Variants in SSX5 observed in about 807,000 individuals in gnomAD.
SSX5 encodes the protein SSX family member 5, also known as protein SSX5.
A neutral mutation model predicts 14.9 loss-of-function variants in SSX5; 14 were observed. That is an observed-to-expected ratio of 0.94 (90% CI 0.62 to 1.47). SSX5 has a LOEUF of 1.47. SSX5 is among the 40% of genes most tolerant of loss of function. The pLI is 0.00. For synonymous variants in SSX5, 70 were observed against 55.4 expected (o/e 1.26, Z -1.17); for missense variants, 204 against 154.6 (o/e 1.32, Z -1.70).
intron 2 of SSX5, 149 bp downstream of exon 2, chrX:48,195,141 C>T (rs1556925575): frequency 1.7e-6 from 2 of 1,211,453 alleles, no homozygotes; most frequent in Non-Finnish European, 2.2e-6. Context: ...TAGGTGATGA[C>T]AGAGCGAGAG....
chrX:48,192,030 T>C (rs1263962979), intron 5 of SSX5, among the ~76,000 whole-genome samples: 2 of 112,195 alleles, frequency 1.8e-5, no homozygotes, highest in South Asian at 3.7e-4. Context: ...AAAATAGTAT[T>C]TGGCATCACT....
intron 6 of SSX5, among the ~76,000 whole-genome samples, chrX:48,189,669 A>G (rs1416825650): frequency 1.8e-5 from 2 of 112,437 alleles, no homozygotes; most frequent in Non-Finnish European, 3.8e-5. Flanking sequence ...ACCAAGAAAA[A>G]AATGTGTGTG....
chrX:48,191,465 G>C (rs1400632638), intron 5 of SSX5, among the ~76,000 whole-genome samples: 2 of 111,448 alleles, frequency 1.8e-5, no homozygotes, highest in Admixed American at 9.6e-5. Context: ...CCCTGGGCTG[G>C]GACTGGGACT....
At chrX:48,192,962 G>A (rs781961471) in intron 4 of SSX5, among the ~76,000 whole-genome samples, 14 of 112,053 alleles carry the variant, frequency 1.2e-4, no homozygotes, top group Non-Finnish European at 2.1e-4. Flanking sequence ...GATCTCTACC[G>A]AAGAACCTGT....
intron 3 of SSX5, among the ~76,000 whole-genome samples, chrX:48,194,469 G>A (rs1418033515): frequency 2.7e-5 from 3 of 109,886 alleles, no homozygotes; most frequent in Non-Finnish European, 5.7e-5. Context: ...CGATGGGGGG[G>A]TGCCAGATGC....
chrX:48,186,829 A>T lies in SSX5; in HGVS notation c.*32T>A, dbSNP rs1283473989. On this transcript the variant is annotated 3_prime_UTR_variant, in exon 8 of 8. Transcript: ENST00000347757. The stretch of plus-strand genomic sequence containing the variant: ...GAAAGGTCACCACGTTCTGCTTCTC[A>T]TCATGGGCATGTGTCATATCCCCGA... The T allele has an allele frequency of 3.3e-6, 4 of 1,198,074 alleles. No individual in the cohort carries two copies. In the East Asian group the frequency reaches 8.9e-5, roughly 27 times the overall value.
chrX:48,187,848 GC>G, intron 6 of SSX5, 117 bp from the exon 7 acceptor site: 1 of 929,174 alleles, frequency 1.1e-6, no homozygotes, highest in Non-Finnish European at 1.5e-6. Context: ...ACCACCAAGT[GC>G]CCATGGGTCT....
At chrX:48,187,816 C>T in intron 6 of SSX5, 85 bp from the exon 7 acceptor site, 1 of 1,090,733 alleles carries the variant, frequency 9.2e-7, no homozygotes, top group South Asian at 2.0e-5. Context: ...TCTGTTTTCT[C>T]CAAAAAAGGA....
chrX:48,189,635 CAT>C (rs2059412270), intron 6 of SSX5, among the ~76,000 whole-genome samples: 1 of 112,385 alleles, frequency 8.9e-6, no homozygotes, highest in Non-Finnish European at 1.9e-5. Flanking sequence ...ATATTGTAAA[CAT>C]AATGTTTTTA....
intron 4 of SSX5, 154 bp from the exon 5 acceptor site, chrX:48,192,435 A>G (rs2059423943): frequency 1.0e-5 from 9 of 876,283 alleles, no homozygotes; most frequent in Admixed American, 2.5e-5. Flanking sequence ...ATGTTTAGTC[A>G]TGGTTGGTGC....
Position 48,190,192 on chromosome X carries a change from C to T in SSX5, c.407G>A (p.Gly136Glu). The change falls in exon 6 of 8, where the codon GGG becomes GAG. Residue 136 changes from glycine (G) to glutamate (E), a missense_variant. By Grantham distance (98) the Gly-to-Glu change is moderately conservative (BLOSUM62 -2). Coordinates refer to ENST00000347757, the MANE Select transcript of SSX5 (RefSeq NM_175723.2). ...TTTTCCTGAGGGGCGCAGCTGTTTC[C>T]CATTGTTCTGTGGGCCAGATGCTTC... ...VPEASGPQNN[G>E]KQLRPSGKLN... 1 of 1,210,208 alleles carries T rather than the reference C, an allele frequency of 8.3e-7. No individual in the cohort carries two copies. The highest frequency in any genetic ancestry group is 1.1e-6 in the Non-Finnish European group (1 of 894,773).
chrX:48,187,532 A>G (rs2059403083), intron 7 of SSX5, 95 bp downstream of exon 7: 1 of 998,022 alleles, frequency 1.0e-6, no homozygotes, highest in Non-Finnish European at 1.4e-6. Flanking sequence ...TGAGAAGGGA[A>G]TGATTTGGGG....
At chrX:48,192,744 C>A (rs782252709) in intron 4 of SSX5, among the ~76,000 whole-genome samples, 1 of 112,087 alleles carries the variant, frequency 8.9e-6, no homozygotes, top group East Asian at 2.8e-4. Context: ...AGTCCTTTAA[C>A]GTCAAAAACT....
rs782191351 is a variant in SSX5 at position 48,192,365 on chromosome X, G to A, written c.281-84C>T. On this transcript the variant is annotated intron_variant, in intron 4 of 7. Coordinates refer to ENST00000347757, the MANE Select transcript of SSX5 (RefSeq NM_175723.2). ...GACTTCAGTTGCATGAGGGCATTCTGCAGCAGAGGTTATGAGTCCACTGAT... is the reference window on the plus strand; with the variant it reads ...GACTTCAGTTGCATGAGGGCATTCTACAGCAGAGGTTATGAGTCCACTGAT... 2.6e-6 allele frequency: 3 copies of A among 1,152,202 alleles called. No individual in the cohort carries two copies. In the Admixed American group the frequency reaches 6.5e-5, roughly 25 times the overall value. The allele number at this position is 1,152,202 out of a possible 1,213,427, so 95.0% of individuals were successfully genotyped here.
intron 5 of SSX5, among the ~76,000 whole-genome samples, chrX:48,191,019 C>T (rs2059417832): frequency 9.1e-6 from 1 of 110,351 alleles, no homozygotes; most frequent in South Asian, 4.0e-4. Context: ...ATTCTCCTTC[C>T]TTAGCCTCCA....
At position 48,190,121 on chromosome X, in the gene SSX5, C is replaced by A. The variant is rs782474250; in HGVS notation, c.466+12G>T. The A allele has an allele frequency of 8.3e-7, 1 of 1,207,547 alleles. No individual in the cohort carries two copies. Among genetic ancestry groups the A allele is most frequent in the Non-Finnish European group, 1.1e-6 (1 of 894,136 alleles). On this transcript the variant is annotated intron_variant, in intron 6 of 7. Transcript: ENST00000347757. Reference sequence around the variant, plus strand: ...AAGCCAGAGTGGTTGTTCCCAAATTCTTTTCTCTTACCAGATGTCTTGTTA... The same window carrying A: ...AAGCCAGAGTGGTTGTTCCCAAATTATTTTCTCTTACCAGATGTCTTGTTA...
intron 6 of SSX5, 150 bp from the exon 7 acceptor site, chrX:48,187,881 T>C: frequency 3.8e-6 from 3 of 788,270 alleles, no homozygotes; most frequent in Non-Finnish European, 5.5e-6. Context: ...TTTTTCACAT[T>C]CTCTGGCTTA....
At chrX:48,191,980 C>A (rs1556924841) in intron 5 of SSX5, among the ~76,000 whole-genome samples, 1 of 111,836 alleles carries the variant, frequency 8.9e-6, no homozygotes, top group East Asian at 2.8e-4. Context: ...GAAACAATGT[C>A]TTCTTAAGGA....
At chrX:48,188,762 A>G (rs1449693680) in intron 6 of SSX5, among the ~76,000 whole-genome samples, 2 of 112,784 alleles carry the variant, frequency 1.8e-5, no homozygotes, top group East Asian at 2.8e-4. Flanking sequence ...CTGAAAGCTA[A>G]GCCTCTTGCA....
Sources: gnomAD v4.1 joint callset for allele counts (sites outside exome capture counted in the v4.1 genomes callset) on GRCh38, gnomAD v4.1.1 for gene constraint, MANE v1.5 for transcripts, NCBI Gene and HGNC (gene_info 2026-07-23, HGNC 2026-07-21) for gene names.